The following AKT2 variants were observed in gnomAD, a reference collection of about 807,000 sequenced individuals.
AKT2 encodes the protein RAC-beta serine/threonine-protein kinase.
Under a neutral mutation model 58.6 loss-of-function variants are expected in AKT2, and 16 were observed. The observed-to-expected ratio is 0.27, with a 90% CI of 0.18 to 0.41. AKT2 has a LOEUF of 0.41. Among genes scored for constraint, AKT2 ranks in the 10% least tolerant of loss-of-function variants. The probability of loss-of-function intolerance (pLI) is 1.00; values close to 1 mark genes in which losing one functional copy is unlikely to be tolerated. For synonymous variants in AKT2, 253 were observed against 254.0 expected (o/e 1.00, Z 0.04); for missense variants, 438 against 661.0 (o/e 0.66, Z 3.70).
At chr19:40,279,953 T>C (rs866615778) in intron 1 of AKT2, among the ~76,000 whole-genome samples, 80 of 152,174 alleles carry the variant, frequency 5.3e-4, no homozygotes, top group African/African-American at 1.8e-3. Flanking sequence ...CTCCAGTCCC[T>C]ACCCACACGT....
Position 40,232,729 on chromosome 19 carries a change from T to G in AKT2, c.*1143A>C, listed in dbSNP as rs568766963. The G allele has an allele frequency of 1.7e-5, 4 of 233,336 alleles. No individual in the cohort carries two copies. Among genetic ancestry groups the G allele is most frequent in the East Asian group, 1.2e-4 (2 of 16,570 alleles). The allele number at this position is 233,336 out of a possible 1,614,324, so 14.5% of individuals were successfully genotyped here. On this transcript the variant is annotated 3_prime_UTR_variant, in exon 14 of 14. Transcript: ENST00000392038. ...CACGCTGCCCTCACACAAACACACATGCACACACACCCACGTGTGCCTGCG... is the reference window on the plus strand; with the variant it reads ...CACGCTGCCCTCACACAAACACACAGGCACACACACCCACGTGTGCCTGCG...
intron 1 of AKT2, among the ~76,000 whole-genome samples, chr19:40,267,678 C>A (rs1451095991): frequency 6.6e-6 from 1 of 152,192 alleles, no homozygotes; most frequent in Non-Finnish European, 1.5e-5. Context: ...CACCCCAGGA[C>A]CACACACAGC....
chr19:40,262,879 T>TA (rs1184189118), intron 2 of AKT2, among the ~76,000 whole-genome samples: 1 of 152,044 alleles, frequency 6.6e-6, no homozygotes, highest in Admixed American at 6.6e-5. Context: ...GGTGGGGTGG[T>TA]ACAGGTCCCA....
chr19:40,268,214 T>C (rs1032433221), intron 1 of AKT2, among the ~76,000 whole-genome samples: 2 of 152,074 alleles, frequency 1.3e-5, no homozygotes, highest in Non-Finnish European at 2.9e-5. Context: ...GTGGAGGGAA[T>C]AGAACAGGGG....
chr19:40,238,170 A>T lies in AKT2; in HGVS notation c.709-79T>A. 11 of 1,531,364 alleles carry T rather than the reference A, an allele frequency of 7.2e-6. No individual in the cohort carries two copies. Among genetic ancestry groups the T allele is most frequent in the Non-Finnish European group, 9.7e-6 (11 of 1,135,218 alleles). The allele number at this position is 1,531,364 out of a possible 1,614,324, so 94.9% of individuals were successfully genotyped here. A position where few individuals can be genotyped will look rare whatever the true frequency, so the allele number is the denominator to read the frequency against. ...CCTCACCTTCCCAGCCCCCTGCCCC[A>T]GCGCAGTGATGTGGTGACACCTGTA... On this transcript the variant is annotated intron_variant, in intron 8 of 13. Coordinates refer to ENST00000392038, the MANE Select transcript of AKT2 (RefSeq NM_001626.6). The surrounding 1 kb of genome is among the most constrained non-coding windows in gnomAD (Gnocchi z 5.1).
At chr19:40,259,699 CA>C (rs1975803374) in intron 2 of AKT2, among the ~76,000 whole-genome samples, 2 of 152,160 alleles carry the variant, frequency 1.3e-5, no homozygotes. Flanking sequence ...TTAACCAGAA[CA>C]CATAAAGAAC....
intron 1 of AKT2, among the ~76,000 whole-genome samples, chr19:40,269,258 A>C (rs1976562995): frequency 6.6e-6 from 1 of 152,122 alleles, no homozygotes; most frequent in African/African-American, 2.4e-5. Flanking sequence ...TTACTTCCTA[A>C]GGTTCCTGGG....
rs1308851185 is a variant in AKT2, at chr19:40,234,100, GCCACGGAC to G, written c.1367-157_1367-150del. ...CATCCCTCCGCAATGGAGGCCCTCA[GCCACGGAC>G]CCACTCCCCAAACCTGAGCCCCGGG... On this transcript the variant is annotated intron_variant, in intron 13 of 13. Transcript: ENST00000392038. This position sits in a 1 kb window ranked among gnomAD's most constrained non-coding sequence, Gnocchi z 4.7. The G allele has an allele frequency of 1.6e-5, 13 of 801,352 alleles. No individual in the cohort carries two copies. In the Middle Eastern group the frequency reaches 1.9e-3, roughly 116 times the overall value. The allele number at this position is 801,352 out of a possible 1,614,324, so 49.6% of individuals were successfully genotyped here.
rs146219607 is a variant in AKT2 at position 40,253,371 on chromosome 19, T to C, written c.287+1787A>G. 1.8e-4 allele frequency among the ~76,000 whole-genome samples: 27 copies of C among 152,262 alleles called. No homozygotes were observed. The East Asian group carries it at 2.3e-3, about 13-fold the overall frequency. On this transcript the variant is annotated intron_variant, in intron 4 of 13. Coordinates refer to ENST00000392038, the MANE Select transcript of AKT2 (RefSeq NM_001626.6). The stretch of plus-strand genomic sequence containing the variant: ...AAGGACAAAGTGGGAAAAAGAAACA[T>C]TTCCCACTGATTACAAAGGGCAAAG...
intron 1 of AKT2, among the ~76,000 whole-genome samples, chr19:40,283,471 A>G (rs1464025515): frequency 6.6e-6 from 1 of 152,194 alleles, no homozygotes; most frequent in Non-Finnish European, 1.5e-5. Flanking sequence ...AGGAACCACG[A>G]GCCACGGAAG....
chr19:40,237,386 C>T lies in AKT2; in HGVS notation c.831+583G>A, dbSNP rs189286581. ...AATTGGCCGGGCGCGGGGGCTCATGCCTGTAATCCAAGCACTTTGGGAGGC... is the reference window on the plus strand; with the variant it reads ...AATTGGCCGGGCGCGGGGGCTCATGTCTGTAATCCAAGCACTTTGGGAGGC... On this transcript the variant is annotated intron_variant, in intron 9 of 13. Transcript: ENST00000392038. This position sits in a 1 kb window ranked among gnomAD's most constrained non-coding sequence, Gnocchi z 4.5. The T allele has an allele frequency of 1.3e-3, 209 of 156,214 alleles. No individual in the cohort carries two copies. The highest frequency in any genetic ancestry group is 6.8e-3 in the Middle Eastern group (2 of 296). The allele number at this position is 156,214 out of a possible 1,614,324, so 9.7% of individuals were successfully genotyped here.
At chr19:40,246,479 T>A (rs1262642472) in intron 4 of AKT2, among the ~76,000 whole-genome samples, 1 of 152,140 alleles carries the variant, frequency 6.6e-6, no homozygotes, top group African/African-American at 2.4e-5. Context: ...TAAATTTTTT[T>A]AATGCTGACT....
intron 1 of AKT2, among the ~76,000 whole-genome samples, chr19:40,278,866 C>T (rs1568575584): frequency 6.7e-6 from 1 of 149,894 alleles, no homozygotes; most frequent in Non-Finnish European, 1.5e-5. Context: ...GAAATAAGGC[C>T]CCAGAGCTCC....
At chr19:40,248,477 G>A (rs147437024) in intron 4 of AKT2, among the ~76,000 whole-genome samples, 400 of 152,346 alleles carry the variant, frequency 2.6e-3, no homozygotes, top group Non-Finnish European at 4.4e-3. Flanking sequence ...GGGCAGTCAG[G>A]GGAGGCCTGA....
chr19:40,258,562 A>G (rs552764750), intron 2 of AKT2, among the ~76,000 whole-genome samples: 51 of 151,844 alleles, frequency 3.4e-4, no homozygotes, highest in African/African-American at 1.2e-3. Context: ...GCTACTCAGG[A>G]GGCCGAAATG....
chr19:40,282,342 G>C (rs571297538), intron 1 of AKT2: 2 of 390,902 alleles, frequency 5.1e-6, no homozygotes, highest in East Asian at 1.4e-4. Flanking sequence ...AGGTCGCAGA[G>C]CTAGAACCGA....
rs2145191465 is a variant in AKT2 at position 40,240,114 on chromosome 19, C to T, written c.574-4G>A. ...TGACTGTGTGAGCGACTTCATCCTGCAGACAGACTGCGGGTGAGGGGCTGG... is the reference window on the plus strand; with the variant it reads ...TGACTGTGTGAGCGACTTCATCCTGTAGACAGACTGCGGGTGAGGGGCTGG... On this transcript the variant is annotated splice_region_variant and splice_polypyrimidine_tract_variant and intron_variant, in intron 6 of 13. Transcript: ENST00000392038. The T allele has an allele frequency of 2.5e-6, 4 of 1,614,028 alleles. No individual in the cohort carries two copies. Among genetic ancestry groups the T allele is most frequent in the Non-Finnish European group, 3.4e-6 (4 of 1,180,034 alleles).
In AKT2 at chr19:40,256,252, G is replaced by A. The variant is rs1376497965; in HGVS notation, c.175+674C>T. On this transcript the variant is annotated intron_variant, in intron 3 of 13. Coordinates refer to ENST00000392038, the MANE Select transcript of AKT2 (RefSeq NM_001626.6). The stretch of plus-strand genomic sequence containing the variant: ...TGCAGAGCAGCGTGGGACGGGGACT[G>A]GGTTCCACAGCATGGCAGGAGAGGA... Among the ~76,000 whole-genome samples the A allele has an allele frequency of 2.0e-5, 3 of 152,120 alleles. No homozygotes were observed. In the East Asian group the frequency reaches 5.8e-4, roughly 29 times the overall value.
At chr19:40,277,112 G>A (rs1303334336) in intron 1 of AKT2, among the ~76,000 whole-genome samples, 1 of 152,158 alleles carries the variant, frequency 6.6e-6, no homozygotes, top group East Asian at 1.9e-4. Context: ...CACACAGCTG[G>A]GGACAGGGCC....
Sources: allele counts gnomAD v4.1 joint callset (sites outside exome capture counted in the v4.1 genomes callset), GRCh38; gene constraint gnomAD v4.1.1; non-coding constraint Gnocchi (gnomAD v3.1); transcripts MANE v1.5; gene names NCBI Gene and HGNC (gene_info 2026-07-23, HGNC 2026-07-21).